GOLGA3: variants seen among roughly 807,000 people sequenced by gnomAD.
GOLGA3 encodes the protein golgin A3, also known as golgin subfamily A member 3.
A neutral mutation model predicts 169.4 loss-of-function variants in GOLGA3; 75 were observed. That is an observed-to-expected ratio of 0.44 (90% CI 0.37 to 0.54). GOLGA3 has a LOEUF of 0.54. GOLGA3 is among the 20% of genes least tolerant of loss of function. The pLI, the probability that GOLGA3 is intolerant of heterozygous loss-of-function variation, is 0.00. For synonymous variants in GOLGA3, 824 were observed against 822.4 expected, an observed-to-expected ratio of 1.00 and a Z score of -0.03; for missense variants, 1,899 against 1,930.0, an observed-to-expected ratio of 0.98 and a Z score of 0.30.
intron 2 of GOLGA3, 118 bp downstream of exon 2, chr12:132,821,877 AC>A: frequency 1.6e-6 from 1 of 642,848 alleles, no homozygotes; most frequent in Non-Finnish European, 2.6e-6. Flanking sequence ...AAAAAAAACA[AC>A]TTTGAATTAA....
At chr12:132,809,974 G>C (rs1221111972) in intron 4 of GOLGA3, among the ~76,000 whole-genome samples, 1 of 152,078 alleles carries the variant, frequency 6.6e-6, no homozygotes, top group Non-Finnish European at 1.5e-5. Context: ...GCCGGGCGTG[G>C]TGGTTCACAC....
Position 132,775,092 on chromosome 12 carries a change from C to T in GOLGA3, c.4143+49G>A, listed in dbSNP as rs201176370. The T allele has an allele frequency of 4.1e-4, 629 of 1,548,972 alleles. No individual in the cohort carries two copies. In the African/African-American group the frequency reaches 4.9e-3, roughly 12 times the overall value. On this transcript the variant is annotated intron_variant, in intron 22 of 23. Coordinates refer to ENST00000450791, the MANE Select transcript of GOLGA3 (RefSeq NM_001389683.1). ...CGTCTGCCAGCCTCCTGTCCGAGAG[C>T]ATCTACAGCGCACGTCGGCTACCCC...
In GOLGA3 at chr12:132,784,213, C is replaced by A. The variant is rs1217744557; in HGVS notation, c.3218G>T (p.Ser1073Ile). 1 of 1,610,718 alleles carries A rather than the reference C, an allele frequency of 6.2e-7. No homozygotes were observed. Among genetic ancestry groups the A allele is most frequent in the East Asian group, 2.2e-5 (1 of 44,898 alleles). Reference sequence around the variant, plus strand: ...CTCCCGGGACTCCTCCAGCTCCTGGCTGGTCAGCGCTATGACCTCCTGCAG... The same window carrying A: ...CTCCCGGGACTCCTCCAGCTCCTGGATGGTCAGCGCTATGACCTCCTGCAG... ...KELQEVIALT[S>I]QELEESREKV... Residue 1073 changes from serine (S) to isoleucine (I), a missense_variant, in exon 16 of 24, where the codon AGC (serine) becomes ATC (isoleucine). Coordinates refer to ENST00000450791, the MANE Select transcript of GOLGA3 (RefSeq NM_001389683.1).
intron 4 of GOLGA3, among the ~76,000 whole-genome samples, chr12:132,811,621 C>T (rs568841256): frequency 3.3e-5 from 5 of 151,850 alleles, no homozygotes; most frequent in East Asian, 1.9e-4. Context: ...CCATCACATC[C>T]GGCTAATTTT....
chr12:132,789,987 A>G (rs1253432448), intron 12 of GOLGA3, among the ~76,000 whole-genome samples: 2 of 151,374 alleles, frequency 1.3e-5, no homozygotes, highest in African/African-American at 2.4e-5. Flanking sequence ...GAGCGGAGAC[A>G]GCACTACTGC....
intron 1 of GOLGA3, among the ~76,000 whole-genome samples, chr12:132,826,886 T>G (rs528978517): frequency 6.6e-6 from 1 of 152,316 alleles, no homozygotes; most frequent in East Asian, 1.9e-4. Context: ...CACAGAAAGC[T>G]GGTACTACAA....
chr12:132,774,854 C>T (rs2136244718), intron 22 of GOLGA3: 1 of 510,522 alleles, frequency 2.0e-6, no homozygotes, highest in East Asian at 3.2e-5. Flanking sequence ...GCCCTTCACA[C>T]ACAGCAGGGA....
chr12:132,769,071 A>C lies in GOLGA3; in HGVS notation c.*4034T>G, dbSNP rs574781378. 1 of 152,740 alleles carries C rather than the reference A, an allele frequency of 6.5e-6. No homozygotes were observed. The highest frequency in any genetic ancestry group is 2.1e-4 in the South Asian group (1 of 4,826). 9.5% of individuals were successfully genotyped at this position (152,740 alleles called of 1,614,324 possible). On this transcript the variant is annotated 3_prime_UTR_variant, in exon 24 of 24. Transcript: ENST00000450791. ...AACTTGAGGACTCTCTTTTGTGAGGAAATTTTTAATAAAAACAAGTAACTC... is the reference window on the plus strand; with the variant it reads ...AACTTGAGGACTCTCTTTTGTGAGGCAATTTTTAATAAAAACAAGTAACTC...
rs2046094399 is a variant in GOLGA3, at chr12:132,789,249, G to A, written c.2589C>T (p.Asp863=). The A allele has an allele frequency of 6.2e-7, 1 of 1,606,516 alleles. No individual in the cohort carries two copies. The highest frequency in any genetic ancestry group is 8.5e-7 in the Non-Finnish European group (1 of 1,179,394). The change falls in exon 13 of 24, where the codon GAC becomes GAT. Residue 863 remains aspartate, a synonymous_variant. Coordinates refer to ENST00000450791, the MANE Select transcript of GOLGA3 (RefSeq NM_001389683.1). ...TGGCTTTCAGCTCACTGATGAGCTG[G>A]TCTTTGGAGGTGGCGTCGCGCCGGT... ...EAYRRDATSK[D]QLISELKATR...
rs1555247689 is a variant in GOLGA3 at position 132,772,553 on chromosome 12, A to AAC, written c.*551_*552insGT. Reference sequence around the variant, plus strand: ...AGCGAGACTCTGTCTCAAAAAAAAAAAAAAAAAAAAAACAAAGATTGGATT... The same window carrying AAC: ...AGCGAGACTCTGTCTCAAAAAAAAAAACAAAAAAAAAAAACAAAGATTGGATT... On this transcript the variant is annotated 3_prime_UTR_variant, in exon 24 of 24. Transcript: ENST00000450791. 1 of 151,256 alleles carries AAC rather than the reference A, an allele frequency of 6.6e-6. No individual in the cohort carries two copies. The highest frequency in any genetic ancestry group is 1.5e-5 in the Non-Finnish European group (1 of 67,952). 9.4% of individuals were successfully genotyped at this position (151,256 alleles called of 1,614,324 possible).
chr12:132,774,187 T>C lies in GOLGA3; in HGVS notation c.4277A>G (p.Lys1426Arg), dbSNP rs1237512656. The stretch of plus-strand genomic sequence containing the variant: ...CTGCTGGAGGCAGCTGTTCAGGTTC[T>C]TGAGGGGCTCCTTGCTCACGGCGGG... ...PPPAVSKEPL[K>R]NLNSCLQQLK... Residue 1426 changes from lysine (K) to arginine (R), a missense_variant, in exon 23 of 24, where the codon AAG (lysine) becomes AGG (arginine). By Grantham distance (26) the Lys-to-Arg change is conservative. Coordinates refer to ENST00000450791, the MANE Select transcript of GOLGA3 (RefSeq NM_001389683.1). 3 of 1,610,942 alleles carry C rather than the reference T, an allele frequency of 1.9e-6. No homozygotes were observed. Among genetic ancestry groups the C allele is most frequent in the Non-Finnish European group, 2.5e-6 (3 of 1,178,556 alleles).
intron 15 of GOLGA3, 121 bp downstream of exon 15, chr12:132,786,218 A>G: frequency 1.5e-6 from 1 of 654,726 alleles, no homozygotes; most frequent in South Asian, 2.0e-5. Context: ...GAGTTTAGAG[A>G]GTTGCCACCT....
chr12:132,789,268 C>A lies in GOLGA3; in HGVS notation c.2570G>T (p.Arg857Leu). ...QQKVMVEAYRRDATSKDQLIS... is the reference protein window; with the variant it reads ...QQKVMVEAYRLDATSKDQLIS... ...GAGCTGGTCTTTGGAGGTGGCGTCG[C>A]GCCGGTAGGCCTCCACCATCACCTG... The change falls in exon 13 of 24, where the codon CGC becomes CTC. Residue 857 changes from arginine (R) to leucine (L), a missense_variant. Coordinates refer to ENST00000450791, the MANE Select transcript of GOLGA3 (RefSeq NM_001389683.1). 6.3e-7 allele frequency: 1 copy of A among 1,599,574 alleles called. No individual in the cohort carries two copies. The highest frequency in any genetic ancestry group is 1.1e-5 in the South Asian group (1 of 90,716).
intron 8 of GOLGA3, among the ~76,000 whole-genome samples, chr12:132,798,706 G>A (rs1948991704): frequency 6.6e-6 from 1 of 152,236 alleles, no homozygotes; most frequent in African/African-American, 2.4e-5. Context: ...TCATCATGCT[G>A]TTTGTAGCTC....
chr12:132,787,816 C>A lies in GOLGA3; in HGVS notation c.2812-1029G>T, dbSNP rs186562753. ...ACCACGGGACCCCTCCCCGGAGACCCCGGGACCCCTCCCCGGAGACCCCGG... is the reference window on the plus strand; with the variant it reads ...ACCACGGGACCCCTCCCCGGAGACCACGGGACCCCTCCCCGGAGACCCCGG... On this transcript the variant is annotated intron_variant, in intron 13 of 23. Transcript: ENST00000450791. 5.0e-4 allele frequency among the ~76,000 whole-genome samples: 35 copies of A among 69,362 alleles called. 3 individuals carry two copies. Among genetic ancestry groups the A allele is most frequent in the African/African-American group, 9.3e-4 (16 of 17,290 alleles). The allele number at this position is 69,362 out of a possible 152,430, so 45.5% of individuals were successfully genotyped here. A position where few individuals can be genotyped will look rare whatever the true frequency, so the allele number is the denominator to read the frequency against.
At chr12:132,780,270 G>A (rs1009802734) in intron 18 of GOLGA3, among the ~76,000 whole-genome samples, 4 of 152,176 alleles carry the variant, frequency 2.6e-5, no homozygotes, top group African/African-American at 9.6e-5. Context: ...GCTGCTCTGT[G>A]CCAGGTATGG....
In GOLGA3 at chr12:132,776,660, G is replaced by A; in HGVS notation, c.3952C>T (p.Leu1318=). The change falls in exon 21 of 24, where the codon CTG becomes TTG. Residue 1318 remains leucine (L), a synonymous_variant. Transcript: ENST00000450791. ...TGCAGCAGCTGCTGTAGCCCTTCCAGTTCCTTCCTGCCCTGCTGCTCCGTC... is the reference window on the plus strand; with the variant it reads ...TGCAGCAGCTGCTGTAGCCCTTCCAATTCCTTCCTGCCCTGCTGCTCCGTC... ...DLTEQQGRKE[L]EGLQQLLQNV... 1.9e-6 allele frequency: 3 copies of A among 1,612,538 alleles called. No homozygotes were observed. Among genetic ancestry groups the A allele is most frequent in the Non-Finnish European group, 2.5e-6 (3 of 1,179,108 alleles).
chr12:132,810,881 A>G (rs1012735570), intron 4 of GOLGA3, among the ~76,000 whole-genome samples: 2 of 152,048 alleles, frequency 1.3e-5, no homozygotes, highest in Non-Finnish European at 2.9e-5. Context: ...CAGTGGTCAC[A>G]CTCCTAGTCT....
rs192065596 is a variant in GOLGA3, at chr12:132,775,087, G to A, written c.4143+54C>T. 3.9e-5 allele frequency: 59 copies of A among 1,521,470 alleles called. 1 individual carries two copies. The highest frequency in any genetic ancestry group is 4.3e-4 in the Middle Eastern group (2 of 4,678). 94.2% of individuals were successfully genotyped at this position (1,521,470 alleles called of 1,614,324 possible). Reference sequence around the variant, plus strand: ...TAACACGTCTGCCAGCCTCCTGTCCGAGAGCATCTACAGCGCACGTCGGCT... The same window carrying A: ...TAACACGTCTGCCAGCCTCCTGTCCAAGAGCATCTACAGCGCACGTCGGCT... On this transcript the variant is annotated intron_variant, in intron 22 of 23. Transcript: ENST00000450791.
Sources: gnomAD v4.1 joint callset for allele counts (sites outside exome capture counted in the v4.1 genomes callset) on GRCh38, gnomAD v4.1.1 for gene constraint, MANE v1.5 for transcripts, NCBI Gene and HGNC (gene_info 2026-07-23, HGNC 2026-07-21) for gene names.